Variants in CELF5 observed in about 807,000 individuals in gnomAD.
CELF5 encodes the protein CUGBP Elav-like family member 5, also known as CUG-BP and ETR-3 like factor 5.
Under a neutral mutation model 54.9 loss-of-function variants are expected in CELF5, and 6 were observed. The observed-to-expected ratio is 0.11, with a 90% CI of 0.06 to 0.22. The LOEUF (loss-of-function observed/expected upper bound fraction) is 0.22. Among genes scored for constraint, CELF5 ranks in the 10% least tolerant of loss-of-function variants. The probability of loss-of-function intolerance (pLI) is 1.00; values close to 1 mark genes in which losing one functional copy is unlikely to be tolerated. For synonymous variants in CELF5, 271 were observed against 290.9 expected, an observed-to-expected ratio of 0.93 and a Z score of 0.70; for missense variants, 401 against 678.6, an observed-to-expected ratio of 0.59 and a Z score of 4.54.
At chr19:3,284,761 C>G in intron 8 of CELF5, 141 bp from the exon 9 acceptor site, 4 of 718,398 alleles carry the variant, frequency 5.6e-6, no homozygotes, top group Non-Finnish European at 9.8e-6. Flanking sequence ...TCGGCCTCAG[C>G]TTCCTGGTCC....
At chr19:3,256,084 G>A (rs1341083708) in intron 2 of CELF5, among the ~76,000 whole-genome samples, 1 of 128,994 alleles carries the variant, frequency 7.8e-6, no homozygotes. Context: ...GGAAAGGTGC[G>A]AAGTGGATAC....
rs115221169 is a variant in CELF5, at chr19:3,228,057, G to A, written c.259+3059G>A. On this transcript the variant is annotated intron_variant, in intron 1 of 12. Transcript: ENST00000292672. The surrounding 1 kb of genome is among the most constrained non-coding windows in gnomAD (Gnocchi z 6.0). ...AGGGGTAGGGGGAGAGGGATGCGTC[G>A]AGGTGGTCTTCCGAAAGAGGGCAGG... Among the ~76,000 whole-genome samples, 655 of 152,172 alleles carry A rather than the reference G, an allele frequency of 4.3e-3. 6 individuals carry two copies. The highest frequency in any genetic ancestry group is 0.015 in the African/African-American group (629 of 41,496).
chr19:3,280,383 C>A (rs147275002), intron 5 of CELF5, among the ~76,000 whole-genome samples: 1,908 of 151,598 alleles, frequency 0.013, 47 homozygotes, highest in African/African-American at 0.044. Context: ...CCAGCCTGGC[C>A]AACATAGTGA....
At chr19:3,266,134 G>A (rs989654878) in intron 2 of CELF5, among the ~76,000 whole-genome samples, 3 of 152,180 alleles carry the variant, frequency 2.0e-5, no homozygotes, top group Non-Finnish European at 4.4e-5. Flanking sequence ...TTTAAATTAA[G>A]GGACAGATTA....
chr19:3,245,960 G>A (rs542785591), intron 1 of CELF5, among the ~76,000 whole-genome samples: 3 of 152,320 alleles, frequency 2.0e-5, no homozygotes, highest in East Asian at 3.9e-4. Context: ...AATAGAGCCC[G>A]ACATAGGCAC....
intron 1 of CELF5, among the ~76,000 whole-genome samples, chr19:3,248,654 G>A (rs779065821): frequency 6.6e-6 from 1 of 152,130 alleles, no homozygotes; most frequent in Non-Finnish European, 1.5e-5. Flanking sequence ...TCCGGCCACT[G>A]TGAATCTTAC....
At chr19:3,251,652 C>CTTTTTTTTTTTTTTTTTTTTTT (rs1195812856) in intron 2 of CELF5, among the ~76,000 whole-genome samples, 3 of 67,110 alleles carry the variant, frequency 4.5e-5, no homozygotes, top group African/African-American at 4.4e-5. Context: ...ACAAGGGCTT[C>CTTTTTTTTTTTTTTTTTTTTTT]TTTTTTTTTT....
chr19:3,225,923 G>A (rs1328695761), intron 1 of CELF5, among the ~76,000 whole-genome samples: 2 of 152,178 alleles, frequency 1.3e-5, no homozygotes, highest in East Asian at 1.9e-4. Flanking sequence ...GGAGGGAGGC[G>A]TGGGCGGCCT....
At chr19:3,238,670 G>C (rs535816722) in intron 1 of CELF5, among the ~76,000 whole-genome samples, 62 of 152,218 alleles carry the variant, frequency 4.1e-4, no homozygotes, top group African/African-American at 1.4e-3. Context: ...GGTGGCTCAC[G>C]CCTGTAATCC....
In CELF5 at chr19:3,268,779, T is replaced by C. The variant is rs1226583529; in HGVS notation, c.343-5093T>C. Among the ~76,000 whole-genome samples, 1 of 151,006 alleles carries C rather than the reference T, an allele frequency of 6.6e-6. No individual in the cohort carries two copies. Among genetic ancestry groups the C allele is most frequent in the Non-Finnish European group, 1.5e-5 (1 of 67,870 alleles). On this transcript the variant is annotated intron_variant, in intron 2 of 12. Transcript: ENST00000292672. This position sits in a 1 kb window ranked among gnomAD's most constrained non-coding sequence, Gnocchi z 4.4. ...GAGGGGTCGTAATCAAGGTAATGCCTGGGCAAGACAATGGAAGCAGATGGA... is the reference window on the plus strand; with the variant it reads ...GAGGGGTCGTAATCAAGGTAATGCCCGGGCAAGACAATGGAAGCAGATGGA...
chr19:3,243,765 G>A (rs568661520), intron 1 of CELF5, among the ~76,000 whole-genome samples: 1 of 152,242 alleles, frequency 6.6e-6, no homozygotes, highest in African/African-American at 2.4e-5. Context: ...TTCTGAGGCT[G>A]TGAGGGAGCG....
At chr19:3,252,633 G>A (rs977268084) in intron 2 of CELF5, among the ~76,000 whole-genome samples, 3 of 152,122 alleles carry the variant, frequency 2.0e-5, no homozygotes, top group South Asian at 2.1e-4. Flanking sequence ...CCAGGGACCC[G>A]AGGTCATGGC....
chr19:3,248,792 A>C (rs1214603727), intron 1 of CELF5, among the ~76,000 whole-genome samples: 1 of 151,738 alleles, frequency 6.6e-6, no homozygotes, highest in Non-Finnish European at 1.5e-5. Flanking sequence ...AGGAACTGTC[A>C]AACTGTTTTC....
intron 4 of CELF5, among the ~76,000 whole-genome samples, chr19:3,276,756 A>T (rs2080061742): frequency 7.0e-6 from 1 of 142,524 alleles, no homozygotes; most frequent in African/African-American, 2.6e-5. Flanking sequence ...GGGGCTGCTT[A>T]TGGATGGGGA....
chr19:3,239,110 AT>A (rs1387671961), intron 1 of CELF5, among the ~76,000 whole-genome samples: 1 of 151,790 alleles, frequency 6.6e-6, no homozygotes. Context: ...ATTAATTTTA[AT>A]TTTTTTGAGA....
At chr19:3,245,610 C>G (rs765450518) in intron 1 of CELF5, among the ~76,000 whole-genome samples, 2 of 151,336 alleles carry the variant, frequency 1.3e-5, no homozygotes, top group African/African-American at 2.4e-5. Context: ...GGTTTTTTAC[C>G]CTTATTTTAC....
intron 9 of CELF5, 78 bp from the exon 10 acceptor site, chr19:3,285,864 C>CCAA: frequency 1.0e-6 from 1 of 1,001,354 alleles, no homozygotes; most frequent in Non-Finnish European, 1.4e-6. Flanking sequence ...GGCCCCGCCC[C>CCAA]CTCCCCGCCC....
chr19:3,274,235 G>A (rs1233668392), intron 3 of CELF5, among the ~76,000 whole-genome samples: 2 of 152,072 alleles, frequency 1.3e-5, no homozygotes, highest in African/African-American at 4.8e-5. Flanking sequence ...GCAATAACTG[G>A]GGGGCTTCAG....
intron 2 of CELF5, among the ~76,000 whole-genome samples, chr19:3,265,804 C>CT (rs1399200620): frequency 6.6e-6 from 1 of 152,034 alleles, no homozygotes; most frequent in Non-Finnish European, 1.5e-5. Flanking sequence ...TTTTCTTTTT[C>CT]TTTTTTTCTT....
Sources: gnomAD v4.1 joint callset for allele counts (sites outside exome capture counted in the v4.1 genomes callset) on GRCh38, gnomAD v4.1.1 for gene constraint, Gnocchi (gnomAD v3.1) non-coding constraint, MANE v1.5 for transcripts, NCBI Gene and HGNC (gene_info 2026-07-23, HGNC 2026-07-21) for gene names.